The following ATG5 variants were observed in gnomAD, a reference collection of about 807,000 sequenced individuals.
ATG5 encodes the protein autophagy related 5.
A neutral mutation model predicts 36.5 loss-of-function variants in ATG5; 14 were observed. That is an observed-to-expected ratio of 0.38 (90% CI 0.25 to 0.60). ATG5 has a LOEUF of 0.60. Ranked by LOEUF, ATG5 falls within the 20% of genes least tolerant of loss-of-function variation. The probability of loss-of-function intolerance (pLI) is 0.60; values close to 1 mark genes in which losing one functional copy is unlikely to be tolerated. For missense variants in ATG5, 195 were observed against 326.7 expected (o/e 0.60, Z 3.11); for synonymous variants, 95 against 101.5 (o/e 0.94, Z 0.38).
intron 5 of ATG5, among the ~76,000 whole-genome samples, chr6:106,256,418 A>T (rs1219348327): frequency 6.6e-6 from 1 of 152,154 alleles, no homozygotes; most frequent in African/African-American, 2.4e-5. Context: ...CAATTACCTG[A>T]TTTCCCTGGC....
At chr6:106,289,370 C>T (rs1016503691) in intron 4 of ATG5, among the ~76,000 whole-genome samples, 25 of 151,778 alleles carry the variant, frequency 1.6e-4, no homozygotes, top group African/African-American at 5.8e-4. Context: ...GGTCCTGATG[C>T]TCCCCTAAAT....
intron 6 of ATG5, among the ~76,000 whole-genome samples, chr6:106,246,320 ACTTTCTAT>A (rs1339363197): frequency 6.7e-6 from 1 of 149,568 alleles, no homozygotes; most frequent in Admixed American, 6.7e-5. Flanking sequence ...CTACCCTCCC[ACTTTCTAT>A]CTAATTATAG....
intron 5 of ATG5, among the ~76,000 whole-genome samples, chr6:106,266,655 G>A (rs990389626): frequency 5.9e-5 from 9 of 152,124 alleles, no homozygotes; most frequent in Non-Finnish European, 8.8e-5. Flanking sequence ...TATCCACCAC[G>A]ATCATGTTGG....
intron 3 of ATG5, among the ~76,000 whole-genome samples, chr6:106,297,764 AC>A: frequency 8.2e-6 from 1 of 121,384 alleles, no homozygotes; most frequent in Non-Finnish European, 1.8e-5. Flanking sequence ...ACACACACAC[AC>A]ATATATATTT....
At chr6:106,223,151 CAAAT>C (rs1207716789) in intron 6 of ATG5, among the ~76,000 whole-genome samples, 3 of 152,228 alleles carry the variant, frequency 2.0e-5, no homozygotes, top group South Asian at 2.1e-4. Context: ...TTGAAGTTAA[CAAAT>C]AAAGCATTTC....
Position 106,288,076 on chromosome 6 carries a change from T to C in ATG5, c.315+4952A>G, listed in dbSNP as rs371051420. 3.9e-5 allele frequency among the ~76,000 whole-genome samples: 6 copies of C among 151,982 alleles called. No individual in the cohort carries two copies. The East Asian group carries it at 7.7e-4, about 20-fold the overall frequency. ...ACCTCCGCCCCCCAGGTTCAAGCGA[T>C]TCTCCTGCCTCAGCCTCCCGAGAAG... On this transcript the variant is annotated intron_variant, in intron 4 of 7. Coordinates refer to ENST00000369076, the MANE Select transcript of ATG5 (RefSeq NM_004849.4).
intron 5 of ATG5, among the ~76,000 whole-genome samples, chr6:106,264,647 C>A (rs1779157996): frequency 1.3e-5 from 2 of 152,174 alleles, no homozygotes; most frequent in South Asian, 4.1e-4. Context: ...GATCTCTCTG[C>A]AGAAACCCTA....
chr6:106,307,778 C>T (rs1193731050), intron 3 of ATG5, among the ~76,000 whole-genome samples: 2 of 152,054 alleles, frequency 1.3e-5, no homozygotes, highest in East Asian at 1.9e-4. Flanking sequence ...CCAGGTGATC[C>T]GCCAGCCTCG....
chr6:106,304,873 C>A (rs1431131752), intron 3 of ATG5, among the ~76,000 whole-genome samples: 1 of 152,122 alleles, frequency 6.6e-6, no homozygotes, highest in Non-Finnish European at 1.5e-5. Context: ...AGGTGGAGCA[C>A]CTAAGCTCAG....
chr6:106,195,796 A>C (rs1261174284), intron 7 of ATG5, among the ~76,000 whole-genome samples: 1 of 131,122 alleles, frequency 7.6e-6, no homozygotes, highest in Non-Finnish European at 1.6e-5. Flanking sequence ...GCGCTGCCTC[A>C]CTGCTCCCCT....
intron 1 of ATG5, among the ~76,000 whole-genome samples, chr6:106,317,820 AT>A (rs1373121567): frequency 3.9e-5 from 6 of 152,230 alleles, no homozygotes; most frequent in Non-Finnish European, 8.8e-5. Context: ...TCCTGATTAC[AT>A]TAATAGCTTG....
chr6:106,188,988 C>A (rs980896182), intron 7 of ATG5, among the ~76,000 whole-genome samples: 1 of 152,054 alleles, frequency 6.6e-6, no homozygotes, highest in Non-Finnish European at 1.5e-5. Context: ...AACTTCAAAC[C>A]GAAGTTTCTC....
chr6:106,270,817 C>T (rs74700092), intron 5 of ATG5, among the ~76,000 whole-genome samples: 2,377 of 152,294 alleles, frequency 0.016, 168 homozygotes, highest in Admixed American at 0.13. Flanking sequence ...GCACCACTCT[C>T]CATGCAGCTG....
intron 6 of ATG5, among the ~76,000 whole-genome samples, chr6:106,206,256 G>T (rs756982913): frequency 4.6e-5 from 7 of 151,886 alleles, no homozygotes; most frequent in Non-Finnish European, 1.0e-4. Context: ...TGCCATGTTG[G>T]GGGGGTGGGG....
At chr6:106,218,469 T>C (rs1273617073) in intron 6 of ATG5, among the ~76,000 whole-genome samples, 2 of 152,218 alleles carry the variant, frequency 1.3e-5, no homozygotes, top group African/African-American at 2.4e-5. Flanking sequence ...CAATTGTATG[T>C]GATATGGCTT....
intron 6 of ATG5, among the ~76,000 whole-genome samples, chr6:106,213,505 T>A (rs1776931527): frequency 6.6e-6 from 1 of 151,984 alleles, no homozygotes. Flanking sequence ...ATATAGAAGG[T>A]CTTCAAGCTT....
At chr6:106,247,307 G>A (rs988905151) in intron 6 of ATG5, among the ~76,000 whole-genome samples, 1 of 151,728 alleles carries the variant, frequency 6.6e-6, no homozygotes, top group Non-Finnish European at 1.5e-5. Context: ...TTACTTCCTG[G>A]AATGCCATTC....
intron 5 of ATG5, among the ~76,000 whole-genome samples, chr6:106,251,757 AAAAAGAAAAGAAG>A (rs1387428440): frequency 6.6e-6 from 1 of 150,914 alleles, no homozygotes; most frequent in African/African-American, 2.4e-5. Flanking sequence ...AGAAAGAAAG[AAAAAGAAAAGAAG>A]AAAAGAAAAG....
In ATG5 at chr6:106,186,532, T is replaced by A. The variant is rs369833045; in HGVS notation, c.*8A>T. The A allele has an allele frequency of 6.8e-6, 11 of 1,612,918 alleles. No individual in the cohort carries two copies. In the East Asian group the frequency reaches 2.5e-4, roughly 36 times the overall value. ...AGGATGATTCTGTTCAGGCAAATAG[T>A]TGATCCTTCAATCTGTTGGCTGTGG... On this transcript the variant is annotated 3_prime_UTR_variant, in exon 8 of 8. Coordinates refer to ENST00000369076, the MANE Select transcript of ATG5 (RefSeq NM_004849.4).
Sources: allele counts gnomAD v4.1 joint callset (sites outside exome capture counted in the v4.1 genomes callset), GRCh38; gene constraint gnomAD v4.1.1; transcripts MANE v1.5; gene names NCBI Gene and HGNC (gene_info 2026-07-23, HGNC 2026-07-21).